PCDH15: variants seen among roughly 807,000 people sequenced by gnomAD.
The protein encoded by PCDH15 is protocadherin related 15.
A neutral mutation model predicts 178.5 loss-of-function variants in PCDH15; 129 were observed. That is an observed-to-expected ratio of 0.72 (90% CI 0.63 to 0.84). PCDH15 has a LOEUF of 0.84. PCDH15 is among the 40% of genes least tolerant of loss of function. The pLI is 0.00. For synonymous variants in PCDH15, 800 were observed against 732.0 expected (o/e 1.09, Z -1.50); for missense variants, 2,230 against 2,099.9 (o/e 1.06, Z -1.21).
chr10:54,671,237 T>A (rs2094663807), intron 1 of PCDH15, among the ~76,000 whole-genome samples: 1 of 152,156 alleles, frequency 6.6e-6, no homozygotes. Context: ...TTCTGTGCAG[T>A]GTTATTACCT....
intron 10 of PCDH15, among the ~76,000 whole-genome samples, chr10:54,205,199 C>G (rs1389192956): frequency 2.6e-5 from 4 of 152,056 alleles, no homozygotes; most frequent in African/African-American, 9.7e-5. Context: ...TTGGATCAGG[C>G]ATTTTAGCTT....
rs1417206755 is a variant in PCDH15, at chr10:53,803,155, T to C, written c.*3424A>G. ...TATAAAATGTGTAAGTCCTCAACAT[T>C]ATTTTGAACCTATCCTTCAGCCTTA... is the stretch of plus-strand genomic sequence containing the variant. On this transcript the variant is annotated 3_prime_UTR_variant, in exon 38 of 38. Transcript: ENST00000644397. The C allele has an allele frequency of 2.6e-5, 4 of 151,958 alleles. No homozygotes were observed. Among genetic ancestry groups the C allele is most frequent in the Admixed American group, 2.6e-4 (4 of 15,238 alleles). 9.4% of individuals were successfully genotyped at this position (151,958 alleles called of 1,614,324 possible).
chr10:54,133,565 T>G (rs2133068387), intron 14 of PCDH15, among the ~76,000 whole-genome samples: 1 of 152,234 alleles, frequency 6.6e-6, no homozygotes, highest in South Asian at 2.1e-4. Flanking sequence ...TTTAAAATCT[T>G]CTCTAAAAAG....
intron 25 of PCDH15, among the ~76,000 whole-genome samples, chr10:53,910,082 TAGCTGAACAAAAGGC>T (rs1453416827): frequency 6.6e-6 from 1 of 152,198 alleles, no homozygotes; most frequent in Non-Finnish European, 1.5e-5. Context: ...GGGCAGGGCA[TAGCTGAACAAAAGGC>T]AGCAGAAACT....
intron 15 of PCDH15, among the ~76,000 whole-genome samples, chr10:54,123,812 A>T (rs987301530): frequency 6.6e-6 from 1 of 152,186 alleles, no homozygotes; most frequent in African/African-American, 2.4e-5. Flanking sequence ...ACTACGGAAT[A>T]CTACATAGCC....
chr10:54,358,480 T>C (rs561069910), intron 5 of PCDH15, among the ~76,000 whole-genome samples: 1 of 152,274 alleles, frequency 6.6e-6, no homozygotes, highest in Non-Finnish European at 1.5e-5. Context: ...TCACACAAGT[T>C]AGAATGGCAA....
chr10:55,604,341 C>G (rs1267159801), intron 2 of PCDH15, among the ~76,000 whole-genome samples: 2 of 148,426 alleles, frequency 1.3e-5, no homozygotes, highest in Non-Finnish European at 3.0e-5. Flanking sequence ...ATCAACGAGA[C>G]AGAAAGTCAA....
At chr10:54,618,533 A>G (rs2093254369) in intron 2 of PCDH15, among the ~76,000 whole-genome samples, 1 of 152,130 alleles carries the variant, frequency 6.6e-6, no homozygotes, top group South Asian at 2.1e-4. Flanking sequence ...TGTATAGCAC[A>G]GAGTAAGAAT....
intron 2 of PCDH15, among the ~76,000 whole-genome samples, chr10:55,623,851 A>G (rs1379925379): frequency 1.3e-5 from 2 of 151,980 alleles, no homozygotes; most frequent in Non-Finnish European, 2.9e-5. Context: ...AGAAAAGTCA[A>G]TGTTTCCATT....
intron 3 of PCDH15, among the ~76,000 whole-genome samples, chr10:54,506,266 T>C (rs977570674): frequency 6.6e-6 from 1 of 151,978 alleles, no homozygotes; most frequent in African/African-American, 2.4e-5. Context: ...ATAAAGCATA[T>C]TGGAAATATG....
chr10:54,663,264 C>T lies in PCDH15; in HGVS notation c.91+908G>A, dbSNP rs1381988927. On this transcript the variant is annotated intron_variant, in intron 2 of 37. Coordinates refer to ENST00000644397, the MANE Select transcript of PCDH15 (RefSeq NM_001384140.1). Reference sequence around the variant, plus strand: ...CATCCTTTGCTGCCGTTAAGAGCAACCAGTTTGCTTGTCTGTGCATCATGA... The same window carrying T: ...CATCCTTTGCTGCCGTTAAGAGCAATCAGTTTGCTTGTCTGTGCATCATGA... Among the ~76,000 whole-genome samples, 3 of 151,580 alleles carry T rather than the reference C, an allele frequency of 2.0e-5. No individual in the cohort carries two copies. In the South Asian group the frequency reaches 6.2e-4, roughly 31 times the overall value.
intron 2 of PCDH15, among the ~76,000 whole-genome samples, chr10:54,573,215 A>G (rs974903259): frequency 6.6e-6 from 1 of 152,102 alleles, no homozygotes; most frequent in South Asian, 2.1e-4. Flanking sequence ...AGTATTGCCT[A>G]TTATACTCCA....
At chr10:53,884,790 G>A (rs969198359) in intron 26 of PCDH15, among the ~76,000 whole-genome samples, 1 of 152,030 alleles carries the variant, frequency 6.6e-6, no homozygotes, top group South Asian at 2.1e-4. Flanking sequence ...ATTTCATGTT[G>A]AAAGATAATT....
rs146933806 is a variant in PCDH15 at position 54,965,166 on chromosome 10, T to C, written c.-79-67666A>G. Among the ~76,000 whole-genome samples, 702 of 152,226 alleles carry C rather than the reference T, an allele frequency of 4.6e-3. 3 individuals carry two copies. Among genetic ancestry groups the C allele is most frequent in the African/African-American group, 0.016 (682 of 41,522 alleles). Reference sequence around the variant, plus strand: ...CTGCTTTTTGAACAAAATACAATATTTTGCAAGTAAGGTAGAAGGTAAGGT... The same window carrying C: ...CTGCTTTTTGAACAAAATACAATATCTTGCAAGTAAGGTAGAAGGTAAGGT... On this transcript the variant is annotated intron_variant, in intron 2 of 5. Transcript: ENST00000458638.
At chr10:54,624,456 C>G (rs566496594) in intron 2 of PCDH15, among the ~76,000 whole-genome samples, 2 of 152,280 alleles carry the variant, frequency 1.3e-5, no homozygotes, top group Non-Finnish European at 2.9e-5. Flanking sequence ...TTAAAAATAG[C>G]AAGACAGATC....
intron 1 of PCDH15, among the ~76,000 whole-genome samples, chr10:54,741,745 G>C (rs1336629487): frequency 6.6e-6 from 1 of 151,878 alleles, no homozygotes; most frequent in Non-Finnish European, 1.5e-5. Context: ...TTTAAAACCA[G>C]CAATGGCCAC....
At chr10:53,964,357 A>T (rs937822688) in intron 21 of PCDH15, among the ~76,000 whole-genome samples, 4 of 83,964 alleles carry the variant, frequency 4.8e-5, no homozygotes, top group Admixed American at 4.3e-4. Context: ...TGAATAAATA[A>T]TTTTTTATTT....
In PCDH15 at chr10:53,982,225, G is replaced by C. The variant is rs937862762; in HGVS notation, c.2868+13424C>G. On this transcript the variant is annotated intron_variant, in intron 21 of 37. Coordinates refer to ENST00000644397, the MANE Select transcript of PCDH15 (RefSeq NM_001384140.1). ...GAACACTTTTACACTGTTGGTGGGA[G>C]TGTAAACTAGTTCAACCACTGTGGA... 8.1e-4 allele frequency among the ~76,000 whole-genome samples: 123 copies of C among 152,286 alleles called. 1 individual carries two copies. In the East Asian group the frequency reaches 0.01, roughly 13 times the overall value.
intron 1 of PCDH15, among the ~76,000 whole-genome samples, chr10:55,193,748 G>T (rs1591980000): frequency 6.6e-6 from 1 of 151,750 alleles, no homozygotes; most frequent in East Asian, 1.9e-4. Flanking sequence ...TATTCATGAT[G>T]AGTTAAATAA....
Sources: gnomAD v4.1 joint callset for allele counts (sites outside exome capture counted in the v4.1 genomes callset) on GRCh38, gnomAD v4.1.1 for gene constraint, MANE v1.5 for transcripts, NCBI Gene and HGNC (gene_info 2026-07-23, HGNC 2026-07-21) for gene names.